The following MAST2 variants were observed in gnomAD, a reference collection of about 807,000 sequenced individuals.
MAST2 encodes the protein microtubule associated serine/threonine kinase 2, also known as microtubule-associated serine/threonine-protein kinase 2.
MAST2 carries 70 observed loss-of-function variants against 147.4 expected under a neutral mutation model. That is an observed-to-expected ratio of 0.47 (90% CI 0.39 to 0.58). MAST2 has a LOEUF of 0.58. Ranked by LOEUF, MAST2 falls within the 20% of genes least tolerant of loss-of-function variation. The pLI is 0.00. For missense variants in MAST2, 2,080 were observed against 2,302.3 expected, an observed-to-expected ratio of 0.90 and a Z score of 1.98; for synonymous variants, 869 against 896.8, an observed-to-expected ratio of 0.97 and a Z score of 0.55.
intron 5 of MAST2, among the ~76,000 whole-genome samples, chr1:45,976,664 T>G (rs1160797399): frequency 2.0e-5 from 3 of 152,182 alleles, no homozygotes; most frequent in African/African-American, 7.2e-5. Flanking sequence ...AATGTTAAAA[T>G]AAAAGTTATT....
At chr1:45,991,977 A>T (rs958251505) in intron 5 of MAST2, among the ~76,000 whole-genome samples, 2 of 151,980 alleles carry the variant, frequency 1.3e-5, no homozygotes, top group Non-Finnish European at 2.9e-5. Flanking sequence ...AATCCCCCCA[A>T]CTCAGCCTCC....
intron 1 of MAST2, among the ~76,000 whole-genome samples, chr1:45,810,002 C>T (rs1480714561): frequency 6.6e-6 from 1 of 152,162 alleles, no homozygotes; most frequent in Non-Finnish European, 1.5e-5. Flanking sequence ...TTTCAACTTT[C>T]TGTGTTCATT....
chr1:45,987,762 G>GTT (rs11462786), intron 5 of MAST2, among the ~76,000 whole-genome samples: 3,221 of 62,516 alleles, frequency 0.052, 203 homozygotes, highest in African/African-American at 0.18. Flanking sequence ...AGCATTTCTT[G>GTT]TTTTTTTTTT....
At chr1:45,868,700 CTG>C (rs1420567666) in intron 3 of MAST2, among the ~76,000 whole-genome samples, 1 of 152,074 alleles carries the variant, frequency 6.6e-6, no homozygotes, top group Non-Finnish European at 1.5e-5. Flanking sequence ...CAAATTATGA[CTG>C]TCATAAATTA....
intron 10 of MAST2, among the ~76,000 whole-genome samples, chr1:46,014,766 C>A (rs1197693474): frequency 6.6e-6 from 1 of 152,010 alleles, no homozygotes; most frequent in African/African-American, 2.4e-5. Context: ...GACAGATCAG[C>A]GTGACAGAAA....
intron 4 of MAST2, among the ~76,000 whole-genome samples, chr1:45,891,915 A>G (rs1647862540): frequency 6.6e-6 from 1 of 152,184 alleles, no homozygotes; most frequent in Non-Finnish European, 1.5e-5. Flanking sequence ...TTTCACTTGT[A>G]ATAACTATAA....
chr1:45,849,886 A>G (rs1376371152), intron 3 of MAST2, among the ~76,000 whole-genome samples: 1 of 152,126 alleles, frequency 6.6e-6, no homozygotes, highest in Non-Finnish European at 1.5e-5. Context: ...TGTCTTTACT[A>G]TTGTGAATAG....
chr1:45,857,649 G>A (rs1488099848), intron 3 of MAST2, among the ~76,000 whole-genome samples: 1 of 152,114 alleles, frequency 6.6e-6, no homozygotes, highest in East Asian at 1.9e-4. Flanking sequence ...TGTGCACAAT[G>A]TGCAGGTTTG....
At position 45,804,082 on chromosome 1, in the gene MAST2, G is replaced by A. The variant is rs991072990; in HGVS notation, c.177+10G>A. On this transcript the variant is annotated intron_variant, in intron 1 of 28. Transcript: ENST00000361297. ...CGAGGGCAAGGAGCAGGTAGGGCGGGTTGGGATCCGGGAGGGTGAACCTGA... is the reference window on the plus strand; with the variant it reads ...CGAGGGCAAGGAGCAGGTAGGGCGGATTGGGATCCGGGAGGGTGAACCTGA... 1.3e-5 allele frequency: 16 copies of A among 1,276,338 alleles called. No homozygotes were observed. The Admixed American group carries it at 2.1e-4, about 17-fold the overall frequency. 79.1% of individuals were successfully genotyped at this position (1,276,338 alleles called of 1,614,324 possible).
intron 28 of MAST2, 63 bp downstream of exon 28, chr1:46,034,329 G>C (rs1054270709): frequency 2.0e-6 from 3 of 1,516,786 alleles, no homozygotes; most frequent in Non-Finnish European, 2.7e-6. Flanking sequence ...CCTAGGCCCT[G>C]TGTGCTTCTG....
Position 45,959,459 on chromosome 1 carries a change from C to G in MAST2, c.574C>G (p.Pro192Ala), listed in dbSNP as rs1352959311. The part of the protein sequence containing the change: ...TSPTLPRPHS[P>A]LHGHTGNSPL... The stretch of plus-strand genomic sequence containing the variant: ...ACCTACACTACCACGGCCACACTCA[C>G]CACTCCATGGCCACACAGGTGAGTG... Residue 192 changes from proline to alanine, a missense_variant, in exon 5 of 29, where the codon CCA becomes GCA. This residue lies in a region of MAST2 where 569 missense variants were observed against 642.5 expected (regional missense o/e 0.89). Transcript: ENST00000361297. 1.2e-6 allele frequency: 2 copies of G among 1,613,522 alleles called. No individual in the cohort carries two copies. The highest frequency in any genetic ancestry group is 2.7e-5 in the African/African-American group (2 of 74,878).
intron 3 of MAST2, among the ~76,000 whole-genome samples, chr1:45,832,295 T>C (rs1483790071): frequency 6.6e-6 from 1 of 151,270 alleles, no homozygotes; most frequent in Non-Finnish European, 1.5e-5. Flanking sequence ...TTCTTTTCTT[T>C]TCTTTCTTTC....
rs758012280 is a variant in MAST2 at position 46,035,705 on chromosome 1, G to C, written c.5036G>C (p.Gly1679Ala). The change falls in exon 29 of 29, where the codon GGG (glycine) becomes GCG (alanine). Residue 1679 changes from glycine to alanine, a missense_variant. Physicochemically the swap from Gly to Ala is moderately conservative, Grantham distance 60 (BLOSUM62 0). Coordinates refer to ENST00000361297, the MANE Select transcript of MAST2 (RefSeq NM_015112.3). This position sits in a 1 kb window ranked among gnomAD's most constrained non-coding sequence, Gnocchi z 5.5. ...SPSRKATMAG[G>A]LANLQDLENT... The stretch of plus-strand genomic sequence containing the variant: ...AGCAGAAAGGCAACCATGGCAGGTG[G>C]GCTAGCCAACCTCCAGGATTTGGAA... 3 of 1,613,924 alleles carry C rather than the reference G, an allele frequency of 1.9e-6. No homozygotes were observed. Among genetic ancestry groups the C allele is most frequent in the Non-Finnish European group, 2.5e-6 (3 of 1,180,008 alleles).
At chr1:45,864,680 T>C (rs1041504481) in intron 3 of MAST2, among the ~76,000 whole-genome samples, 1 of 152,142 alleles carries the variant, frequency 6.6e-6, no homozygotes, top group Non-Finnish European at 1.5e-5. Context: ...AAACGTGACA[T>C]GGATTTTATA....
At chr1:45,820,891 C>CTTTT (rs1644603466) in intron 1 of MAST2, among the ~76,000 whole-genome samples, 7 of 68,148 alleles carry the variant, frequency 1.0e-4, no homozygotes, top group Admixed American at 1.5e-4. Context: ...CTCTTTCTTT[C>CTTTT]TCTTTTTTTT....
chr1:46,010,268 G>A (rs1311168503), intron 9 of MAST2, among the ~76,000 whole-genome samples: 1 of 152,334 alleles, frequency 6.6e-6, no homozygotes, highest in Non-Finnish European at 1.5e-5. Context: ...CAGAGGAATG[G>A]AAACCCATTT....
intron 1 of MAST2, among the ~76,000 whole-genome samples, chr1:45,805,554 A>G (rs752878230): frequency 6.6e-5 from 10 of 152,204 alleles, no homozygotes; most frequent in Non-Finnish European, 1.5e-5. Context: ...AACTTGTACA[A>G]TGAACTTCAA....
intron 5 of MAST2, among the ~76,000 whole-genome samples, chr1:45,971,594 C>G (rs1643916484): frequency 6.6e-6 from 1 of 152,074 alleles, no homozygotes; most frequent in Non-Finnish European, 1.5e-5. Flanking sequence ...CCTCCAATAC[C>G]CTCTACTGAG....
Position 45,955,658 on chromosome 1 carries a change from A to G in MAST2, c.501-3728A>G, listed in dbSNP as rs551467635. On this transcript the variant is annotated intron_variant, in intron 4 of 28. Transcript: ENST00000361297. ...CAAGCCTTGAGGCAACCTGGGAGAA[A>G]CATAGGCAAAGGAAATCCCAATTGT... 6.0e-4 allele frequency among the ~76,000 whole-genome samples: 92 copies of G among 152,258 alleles called. No homozygotes were observed. The South Asian group carries it at 0.019, about 31-fold the overall frequency.
Sources: allele counts gnomAD v4.1 joint callset (sites outside exome capture counted in the v4.1 genomes callset), GRCh38; gene constraint gnomAD v4.1.1; regional missense constraint gnomAD v4.1.1; non-coding constraint Gnocchi (gnomAD v3.1); transcripts MANE v1.5; gene names NCBI Gene and HGNC (gene_info 2026-07-23, HGNC 2026-07-21).